The following CTPS2 variants were observed in gnomAD, a reference collection of about 807,000 sequenced individuals.
The protein encoded by CTPS2 is CTP synthase 2.
Under a neutral mutation model 46.8 loss-of-function variants are expected in CTPS2, and 19 were observed. The ratio of observed to expected loss-of-function variants is 0.41; its 90% CI spans 0.28 to 0.60. The LOEUF (loss-of-function observed/expected upper bound fraction) is 0.60, where lower values mean the gene tolerates loss of function less well. CTPS2 is among the 20% of genes least tolerant of loss of function. The probability of loss-of-function intolerance (pLI) is 0.35; values close to 1 mark genes in which losing one functional copy is unlikely to be tolerated. For synonymous variants in CTPS2, 151 were observed against 165.2 expected (o/e 0.91, Z 0.66); for missense variants, 286 against 447.6 (o/e 0.64, Z 3.26).
rs1200653545 is a variant in CTPS2 at position 16,699,024 on chromosome X, T to C, written c.236A>G (p.Asp79Gly). The C allele has an allele frequency of 8.4e-7, 1 of 1,185,413 alleles. No individual in the cohort carries two copies. Among genetic ancestry groups the C allele is most frequent in the Non-Finnish European group, 1.1e-6 (1 of 879,235 alleles). Residue 79 changes from aspartate (D) to glycine (G), a missense_variant, in exon 3 of 19, where the codon GAT (aspartate) becomes GGT (glycine). By Grantham distance (94) the Asp-to-Gly change is moderately conservative. Coordinates refer to ENST00000359276, the MANE Select transcript of CTPS2 (RefSeq NM_175859.3). ...LDLGNYERFL[D>G]INLYKDNNIT... is the part of the protein sequence containing the mutation. ...ATTGTTGTCTTTATAAAGATTAATA[T>C]CCAAAAATCTTTCATAATTTCCAAG...
intron 9 of CTPS2, 37 bp downstream of exon 9, chrX:16,683,057 A>G (rs747692914): frequency 3.3e-6 from 4 of 1,206,200 alleles, no homozygotes; most frequent in Non-Finnish European, 3.4e-6. Flanking sequence ...ATTGGCATGA[A>G]TTACTGAGAT....
chrX:16,660,657 C>T (rs1308202964), intron 13 of CTPS2, among the ~76,000 whole-genome samples: 2 of 111,008 alleles, frequency 1.8e-5, no homozygotes, highest in African/African-American at 6.6e-5. Context: ...GCCTCAGCCT[C>T]CCAAAGTGCC....
chrX:16,592,139 T>C (rs1461479340), intron 17 of CTPS2, among the ~76,000 whole-genome samples: 1 of 109,042 alleles, frequency 9.2e-6, no homozygotes. Context: ...AGGTGGTGCC[T>C]CACTGTTGCC....
intron 13 of CTPS2, chrX:16,650,998 G>A: frequency 8.3e-7 from 1 of 1,199,718 alleles, no homozygotes; most frequent in Non-Finnish European, 1.1e-6. Flanking sequence ...CAATTTATAA[G>A]ACACCAGAAT....
chrX:16,640,626 T>C (rs377431273), intron 13 of CTPS2, among the ~76,000 whole-genome samples: 5 of 112,072 alleles, frequency 4.5e-5, no homozygotes, highest in African/African-American at 1.6e-4. Flanking sequence ...GTCTCGTAAT[T>C]CATCTGTTTT....
At chrX:16,629,655 G>C (rs1931358614) in intron 14 of CTPS2, among the ~76,000 whole-genome samples, 1 of 111,233 alleles carries the variant, frequency 9.0e-6, no homozygotes, top group African/African-American at 3.3e-5. Flanking sequence ...GCCAGAAGCT[G>C]TTTTTCCATA....
chrX:16,651,041 G>T (rs1259653281), intron 13 of CTPS2: 1 of 1,203,657 alleles, frequency 8.3e-7, no homozygotes, highest in Non-Finnish European at 1.1e-6. Flanking sequence ...GAACTGAAGA[G>T]GATTTTTGAA....
intron 13 of CTPS2, among the ~76,000 whole-genome samples, chrX:16,649,730 A>T (rs756471642): frequency 1.8e-5 from 2 of 112,131 alleles, no homozygotes; most frequent in South Asian, 7.5e-4. Context: ...ACCTCAAGCA[A>T]TCCTCCTGCC....
chrX:16,642,095 C>T (rs888423671), intron 13 of CTPS2, among the ~76,000 whole-genome samples: 1 of 112,098 alleles, frequency 8.9e-6, no homozygotes, highest in Admixed American at 9.5e-5. Flanking sequence ...AAACTTTGCA[C>T]ATCGTATTTT....
chrX:16,607,602 A>C (rs1037701771), intron 17 of CTPS2, among the ~76,000 whole-genome samples: 4 of 112,973 alleles, frequency 3.5e-5, no homozygotes, highest in African/African-American at 1.3e-4. Context: ...ACATGGTGAA[A>C]GGAAATGCTA....
At chrX:16,646,674 A>T (rs1457546815) in intron 13 of CTPS2, among the ~76,000 whole-genome samples, 2 of 112,288 alleles carry the variant, frequency 1.8e-5, no homozygotes, top group African/African-American at 6.5e-5. Context: ...AGATAACAAG[A>T]ACCCATGGAT....
intron 13 of CTPS2, among the ~76,000 whole-genome samples, chrX:16,657,944 G>T (rs186607240): frequency 8.9e-6 from 1 of 111,852 alleles, no homozygotes; most frequent in African/African-American, 3.2e-5. Flanking sequence ...AGTGGCTCAC[G>T]CCTGTAATCC....
chrX:16,642,302 C>T lies in CTPS2; in HGVS notation c.1297-3059G>A, dbSNP rs180780315. ...TGATTAAAACATGCTAGCGTAGGAA[C>T]CAGTGGAGAAGGCAAAAAATGCTAG... is the stretch of plus-strand genomic sequence containing the variant. On this transcript the variant is annotated intron_variant, in intron 13 of 18. Transcript: ENST00000359276. Among the ~76,000 whole-genome samples, 50 of 111,495 alleles carry T rather than the reference C, an allele frequency of 4.5e-4. 2 individuals carry two copies. In the East Asian group the frequency reaches 5.6e-3, roughly 13 times the overall value.
chrX:16,678,787 A>G (rs58039538), intron 9 of CTPS2, among the ~76,000 whole-genome samples: 11,889 of 109,540 alleles, frequency 0.11, 953 homozygotes, highest in African/African-American at 0.27. Context: ...GGATCCTTTG[A>G]GCCTGGGAGG....
At chrX:16,670,558 G>T in intron 11 of CTPS2, 22 bp downstream of exon 11, 1 of 1,123,398 alleles carries the variant, frequency 8.9e-7, no homozygotes, top group Non-Finnish European at 1.2e-6. Flanking sequence ...TCATAGTTAG[G>T]GTCAATAAAC....
intron 1 of CTPS2, chrX:16,712,037 A>C: frequency 9.1e-6 from 1 of 110,340 alleles, no homozygotes; most frequent in Non-Finnish European, 1.9e-5. Context: ...GCGCGGGCGG[A>C]GGCGGGAAGA....
In CTPS2 at chrX:16,609,705, G is replaced by A. The variant is rs763645488; in HGVS notation, c.1547-20C>T. The A allele has an allele frequency of 5.9e-6, 7 of 1,193,162 alleles. No individual in the cohort carries two copies. The highest frequency in any genetic ancestry group is 2.2e-5 in the Admixed American group (1 of 44,483). On this transcript the variant is annotated intron_variant, in intron 16 of 18. Transcript: ENST00000359276. Reference sequence around the variant, plus strand: ...GATGATCTGAAATGAGAACAATCACGATGCGATTAAAGCAGACAAACAGGA... The same window carrying A: ...GATGATCTGAAATGAGAACAATCACAATGCGATTAAAGCAGACAAACAGGA...
At chrX:16,712,083 C>T (rs1925505403) in intron 1 of CTPS2, 1 of 111,387 alleles carries the variant, frequency 9.0e-6, no homozygotes, top group Non-Finnish European at 1.9e-5. Flanking sequence ...AGGCTCCAAC[C>T]GCACTGGGCA....
intron 13 of CTPS2, among the ~76,000 whole-genome samples, chrX:16,662,787 T>C (rs766315836): frequency 9.2e-6 from 1 of 108,538 alleles, no homozygotes; most frequent in South Asian, 4.1e-4. Flanking sequence ...TTGCAGGCCA[T>C]AAAGACGTTC....
Sources: gnomAD v4.1 joint callset for allele counts (sites outside exome capture counted in the v4.1 genomes callset) on GRCh38, gnomAD v4.1.1 for gene constraint, MANE v1.5 for transcripts, NCBI Gene and HGNC (gene_info 2026-07-23, HGNC 2026-07-21) for gene names.